The following MAP4 variants were observed in gnomAD, a reference collection of about 807,000 sequenced individuals.
MAP4 encodes microtubule-associated protein 4.
A neutral mutation model predicts 170.2 loss-of-function variants in MAP4; 76 were observed. The observed-to-expected ratio is 0.45, with a 90% confidence interval of 0.37 to 0.54. The LOEUF is 0.54. Ranked by LOEUF, MAP4 falls within the 20% of genes least tolerant of loss-of-function variation. The pLI is 0.00. For missense variants in MAP4, 2,506 were observed against 2,748.0 expected (o/e 0.91, Z 1.97); for synonymous variants, 909 against 994.5 (o/e 0.91, Z 1.62).
chr3:47,971,492 C>T (rs148275154), intron 3 of MAP4, among the ~76,000 whole-genome samples: 2 of 152,338 alleles, frequency 1.3e-5, no homozygotes, highest in African/African-American at 2.4e-5. Context: ...TACTGTTTCA[C>T]TGCTGGCATG....
intron 3 of MAP4, among the ~76,000 whole-genome samples, chr3:47,963,463 A>G (rs2100072908): frequency 6.6e-6 from 1 of 152,248 alleles, no homozygotes; most frequent in Non-Finnish European, 1.5e-5. Flanking sequence ...TGCCTAAGAA[A>G]TCAAAGCTAG....
chr3:47,871,184 G>A (rs1330479425), intron 14 of MAP4, 43 bp downstream of exon 14: 1 of 1,612,830 alleles, frequency 6.2e-7, no homozygotes, highest in Non-Finnish European at 8.5e-7. Flanking sequence ...GAGGAGGTGG[G>A]GGTTCAAGTT....
intron 3 of MAP4, among the ~76,000 whole-genome samples, chr3:47,937,224 T>C (rs2100053483): frequency 6.6e-6 from 1 of 152,136 alleles, no homozygotes; most frequent in African/African-American, 2.4e-5. Flanking sequence ...AAACATAACT[T>C]ACAAATAAGA....
chr3:47,873,741 T>A (rs894463899), intron 12 of MAP4, among the ~76,000 whole-genome samples: 1 of 152,250 alleles, frequency 6.6e-6, no homozygotes, highest in Non-Finnish European at 1.5e-5. Flanking sequence ...GGGATGTGCA[T>A]CAAATTTTTA....
At chr3:47,923,583 G>A (rs1282933347) in intron 4 of MAP4, among the ~76,000 whole-genome samples, 4 of 148,906 alleles carry the variant, frequency 2.7e-5, no homozygotes, top group African/African-American at 5.0e-5. Flanking sequence ...CACCGAGACC[G>A]CCCATCTTTA....
At chr3:48,081,482 G>C (rs1262597248) in intron 1 of MAP4, among the ~76,000 whole-genome samples, 1 of 151,752 alleles carries the variant, frequency 6.6e-6, no homozygotes, top group Non-Finnish European at 1.5e-5. Flanking sequence ...AAATGCTTTG[G>C]AAATTTACTT....
At chr3:47,979,697 G>T (rs2100084348) in intron 2 of MAP4, among the ~76,000 whole-genome samples, 1 of 152,184 alleles carries the variant, frequency 6.6e-6, no homozygotes, top group Admixed American at 6.5e-5. Context: ...TTGACCTCAG[G>T]TGATCCGCCT....
intron 3 of MAP4, among the ~76,000 whole-genome samples, chr3:47,933,071 T>C (rs1416589692): frequency 1.3e-5 from 2 of 151,858 alleles, no homozygotes; most frequent in African/African-American, 2.4e-5. Flanking sequence ...CCTGGCTAAT[T>C]TTTTTTTAAT....
chr3:47,970,736 G>A (rs191169080), intron 3 of MAP4, among the ~76,000 whole-genome samples: 7 of 152,272 alleles, frequency 4.6e-5, no homozygotes, highest in East Asian at 1.9e-4. Context: ...AGAATCGCTC[G>A]AACCTGGGAG....
intron 3 of MAP4, among the ~76,000 whole-genome samples, chr3:47,939,817 G>GT (rs1391763240): frequency 2.0e-5 from 3 of 151,362 alleles, no homozygotes; most frequent in Non-Finnish European, 4.4e-5. Flanking sequence ...ATGAAAGTCT[G>GT]TTTTTTGTTG....
At chr3:47,975,317 G>A in intron 3 of MAP4, 1 of 1,528,134 alleles carries the variant, frequency 6.5e-7, no homozygotes, top group Admixed American at 2.0e-5. Context: ...AGGCCCCGAA[G>A]AACTACCCTC....
At chr3:47,890,291 T>C (rs2098333609) in intron 10 of MAP4, among the ~76,000 whole-genome samples, 3 of 151,974 alleles carry the variant, frequency 2.0e-5, no homozygotes, top group African/African-American at 7.3e-5. Flanking sequence ...GACCGCAAAA[T>C]TTAGCTGTTT....
chr3:47,927,611 G>T (rs953605760), intron 4 of MAP4, among the ~76,000 whole-genome samples: 1 of 152,098 alleles, frequency 6.6e-6, no homozygotes, highest in Admixed American at 6.6e-5. Flanking sequence ...GAGTAGCTGG[G>T]ATTACAGACA....
chr3:47,934,026 T>C lies in MAP4; in HGVS notation c.293-5676A>G, dbSNP rs182254955. ...ATGTATGTATTCATCACCATTTCAG[T>C]AGATATGTAAGGCCAATTTTACATA... On this transcript the variant is annotated intron_variant, in intron 3 of 20. Transcript: ENST00000683076. 4.1e-3 allele frequency among the ~76,000 whole-genome samples: 621 copies of C among 152,328 alleles called. 5 individuals are homozygous for C. The highest frequency in any genetic ancestry group is 0.014 in the African/African-American group (593 of 41,570).
chr3:47,999,526 A>G (rs2100098017), intron 1 of MAP4, among the ~76,000 whole-genome samples: 2 of 152,206 alleles, frequency 1.3e-5, no homozygotes. Flanking sequence ...AGCCATAAAA[A>G]AGAACGAGAT....
rs527530925 is a variant in MAP4, at chr3:47,912,404, C to T, written c.2017G>A (p.Gly673Ser). Residue 673 changes from glycine to serine, a missense_variant, in exon 9 of 21, where the codon GGT (glycine) becomes AGT (serine). By Grantham distance (56) the Gly-to-Ser change is moderately conservative. Transcript: ENST00000683076. ...TGTTTGGCTTGTGTGGGAGGGGTACCGCAATACATGAAGTTGGCTAAAATT... is the reference window on the plus strand; with the variant it reads ...TGTTTGGCTTGTGTGGGAGGGGTACTGCAATACATGAAGTTGGCTAAAATT... The part of the protein sequence containing the change: ...SETSANFMYC[G>S]TPPTQAKQVC... The T allele has an allele frequency of 8.6e-5, 127 of 1,483,926 alleles. 1 individual carries two copies. In the East Asian group the frequency reaches 9.2e-4, roughly 11 times the overall value. 91.9% of individuals were successfully genotyped at this position (1,483,926 alleles called of 1,614,324 possible). A position where few individuals can be genotyped will look rare whatever the true frequency, so the allele number is the denominator to read the frequency against.
intron 1 of MAP4, among the ~76,000 whole-genome samples, chr3:48,044,549 G>A (rs1479282103): frequency 6.6e-6 from 1 of 151,936 alleles, no homozygotes; most frequent in Non-Finnish European, 1.5e-5. Context: ...GATCACTTGA[G>A]GTCAGGAGTT....
At chr3:47,998,090 G>A (rs2100096967) in intron 2 of MAP4, among the ~76,000 whole-genome samples, 1 of 152,130 alleles carries the variant, frequency 6.6e-6, no homozygotes, top group South Asian at 2.1e-4. Flanking sequence ...TATGAAGTCG[G>A]CGTGACCTCA....
chr3:48,002,983 A>AATTAATT (rs1559772735), intron 1 of MAP4, among the ~76,000 whole-genome samples: 2 of 149,802 alleles, frequency 1.3e-5, no homozygotes, highest in African/African-American at 5.0e-5. Context: ...ATAAATAAAT[A>AATTAATT]AATAAATAAA....
Sources: allele counts gnomAD v4.1 joint callset (sites outside exome capture counted in the v4.1 genomes callset), GRCh38; gene constraint gnomAD v4.1.1; transcripts MANE v1.5; gene names NCBI Gene and HGNC (gene_info 2026-07-23, HGNC 2026-07-21).